ZNF33A: variants seen among roughly 807,000 people sequenced by gnomAD.
ZNF33A encodes brain my041 protein.
In ZNF33A, 9 loss-of-function variants were observed where a neutral mutation model predicts 15.9. The ratio of observed to expected loss-of-function variants is 0.57; its 90% CI spans 0.34 to 0.99. The LOEUF (loss-of-function observed/expected upper bound fraction) is 0.99. Among genes scored for constraint, ZNF33A ranks in the 50% least tolerant of loss-of-function variants. ZNF33A has a pLI of 0.02. For missense variants in ZNF33A, 843 were observed against 941.6 expected, an observed-to-expected ratio of 0.90 and a Z score of 1.37; for synonymous variants, 294 against 324.2, an observed-to-expected ratio of 0.91 and a Z score of 1.00.
At chr10:38,022,777 T>A (rs1190103125) in intron 4 of ZNF33A, among the ~76,000 whole-genome samples, 1 of 151,964 alleles carries the variant, frequency 6.6e-6, no homozygotes, top group East Asian at 1.9e-4. Flanking sequence ...TAGGTTTTCA[T>A]AAAGGTTGAC....
intron 4 of ZNF33A, among the ~76,000 whole-genome samples, chr10:38,041,042 ATTT>A (rs2065674706): frequency 6.6e-6 from 1 of 152,120 alleles, no homozygotes; most frequent in African/African-American, 2.4e-5. Flanking sequence ...TACCTCTGCC[ATTT>A]TTGTTTTCGG....
At chr10:38,021,726 A>G (rs987207784) in intron 4 of ZNF33A, among the ~76,000 whole-genome samples, 3 of 152,254 alleles carry the variant, frequency 2.0e-5, no homozygotes, top group Non-Finnish European at 4.4e-5. Context: ...AAGATAGACC[A>G]TATTCTGGGC....
intron 4 of ZNF33A, among the ~76,000 whole-genome samples, chr10:38,037,160 C>A (rs934208582): frequency 1.3e-5 from 2 of 152,108 alleles, no homozygotes; most frequent in Non-Finnish European, 2.9e-5. Flanking sequence ...ATCCCCAGGG[C>A]ATGAAGATCC....
At chr10:38,044,498 C>T (rs1367882918) in intron 4 of ZNF33A, among the ~76,000 whole-genome samples, 2 of 152,012 alleles carry the variant, frequency 1.3e-5, no homozygotes, top group African/African-American at 2.4e-5. Context: ...GCATGAGCCA[C>T]CCTGCCTGGC....
At position 38,057,162 on chromosome 10, in the gene ZNF33A, T is replaced by A. The variant is rs2066520402; in HGVS notation, c.*602T>A. On this transcript the variant is annotated 3_prime_UTR_variant, in exon 5 of 5. Coordinates refer to ENST00000432900, the MANE Select transcript of ZNF33A (RefSeq NM_006954.2). The stretch of plus-strand genomic sequence containing the variant: ...TGTGTGTGTGGTTATATCAAACTTT[T>A]ACGACTTTTACATTTGAGTAACCAT... 1.5e-5 allele frequency: 14 copies of A among 958,974 alleles called. No homozygotes were observed. Among genetic ancestry groups the A allele is most frequent in the Non-Finnish European group, 1.7e-5 (14 of 805,510 alleles). 59.4% of individuals were successfully genotyped at this position (958,974 alleles called of 1,614,324 possible).
At chr10:38,026,383 G>A (rs1200336573) in intron 4 of ZNF33A, among the ~76,000 whole-genome samples, 1 of 152,206 alleles carries the variant, frequency 6.6e-6, no homozygotes, top group Non-Finnish European at 1.5e-5. Flanking sequence ...CGCCCAGACT[G>A]GAGTGCAGTG....
downstream of ZNF33A, among the ~76,000 whole-genome samples, chr10:38,063,170 T>C (rs965768025): frequency 1.3e-5 from 2 of 152,094 alleles, no homozygotes; most frequent in African/African-American, 4.8e-5. Context: ...AGATACAAGC[T>C]ATGAACTAGA....
At position 38,057,892 on chromosome 10, in the gene ZNF33A, A is replaced by T; in HGVS notation, c.*1332A>T. 1 of 985,458 alleles carries T rather than the reference A, an allele frequency of 1.0e-6. No individual in the cohort carries two copies. Among genetic ancestry groups the T allele is most frequent in the Non-Finnish European group, 1.2e-6 (1 of 829,944 alleles). 61.0% of individuals were successfully genotyped at this position (985,458 alleles called of 1,614,324 possible). On this transcript the variant is annotated 3_prime_UTR_variant, in exon 5 of 5. Transcript: ENST00000432900. Reference sequence around the variant, plus strand: ...TGTCATTTCAAGGCTCATTGTCCCCAGACAGGGATCTGGGCCCTCAGACTT... The same window carrying T: ...TGTCATTTCAAGGCTCATTGTCCCCTGACAGGGATCTGGGCCCTCAGACTT...
chr10:38,061,348 A>G (rs555524282), downstream of ZNF33A, among the ~76,000 whole-genome samples: 320 of 152,284 alleles, frequency 2.1e-3, 1 homozygote, highest in Non-Finnish European at 2.9e-3. Flanking sequence ...CAAGATGCAC[A>G]TGCATGGTGG....
In ZNF33A at chr10:38,055,582, G is replaced by A. The variant is rs138263927; in HGVS notation, c.1458G>A (p.Gln486=). The A allele has an allele frequency of 8.4e-5, 136 of 1,614,038 alleles. No individual in the cohort carries two copies. Among genetic ancestry groups the A allele is most frequent in the Non-Finnish European group, 1.1e-4 (130 of 1,179,982 alleles). The part of the protein sequence containing the change: ...KSFSEKSNLT[Q]HQRIHIGDKS... ...TTAGTGAAAAGTCAAATCTTACACA[G>A]CATCAGAGAATTCACATAGGAGATA... The change falls in exon 5 of 5, where the codon CAG becomes CAA. Residue 486 remains glutamine, a synonymous_variant. Transcript: ENST00000432900.
intron 4 of ZNF33A, among the ~76,000 whole-genome samples, chr10:38,029,893 G>A (rs2065139108): frequency 1.3e-5 from 2 of 152,118 alleles, no homozygotes; most frequent in African/African-American, 4.8e-5. Flanking sequence ...ACAAATGGGA[G>A]TATCAATGTG....
At chr10:38,043,463 G>A (rs528113439) in intron 4 of ZNF33A, among the ~76,000 whole-genome samples, 58 of 151,354 alleles carry the variant, frequency 3.8e-4, no homozygotes, top group African/African-American at 1.3e-3. Context: ...AAACCTGCAC[G>A]TTGTGCACAT....
At chr10:38,018,257 A>G (rs529323897) in intron 4 of ZNF33A, among the ~76,000 whole-genome samples, 1 of 152,306 alleles carries the variant, frequency 6.6e-6, no homozygotes, top group East Asian at 1.9e-4. Flanking sequence ...AGTCAGGGGA[A>G]ACCTTAATGA....
At chr10:38,037,711 C>A (rs1028050279) in intron 4 of ZNF33A, among the ~76,000 whole-genome samples, 1 of 152,184 alleles carries the variant, frequency 6.6e-6, no homozygotes, top group African/African-American at 2.4e-5. Context: ...TATTTGTGAA[C>A]TCTCAATTTT....
At chr10:38,020,813 C>G (rs1439864036) in intron 4 of ZNF33A, among the ~76,000 whole-genome samples, 1 of 152,188 alleles carries the variant, frequency 6.6e-6, no homozygotes, top group Non-Finnish European at 1.5e-5. Flanking sequence ...AGAGATATCT[C>G]ATTGATGTAC....
At chr10:38,033,365 G>T (rs987518411) in intron 4 of ZNF33A, among the ~76,000 whole-genome samples, 1 of 152,170 alleles carries the variant, frequency 6.6e-6, no homozygotes, top group Non-Finnish European at 1.5e-5. Flanking sequence ...GTGGATGGAC[G>T]TTTGGTTTTA....
chr10:38,033,392 A>G (rs962079402), intron 4 of ZNF33A, among the ~76,000 whole-genome samples: 4 of 152,182 alleles, frequency 2.6e-5, no homozygotes, highest in African/African-American at 7.2e-5. Flanking sequence ...CTTCTTGACT[A>G]TTATGAATAA....
chr10:38,054,123 C>A (rs1177779553), intron 4 of ZNF33A, among the ~76,000 whole-genome samples: 1 of 152,140 alleles, frequency 6.6e-6, no homozygotes. Context: ...CACTAGAAAC[C>A]AAATGTGTGC....
Position 38,017,370 on chromosome 10 carries a change from A to G in ZNF33A, c.234A>G (p.Pro78=), listed in dbSNP as rs1412478687. 6.2e-7 allele frequency: 1 copy of G among 1,613,848 alleles called. No homozygotes were observed. The highest frequency in any genetic ancestry group is 2.2e-5 in the East Asian group (1 of 44,870). ...CATGGAAACAGGAGGAAGAATTCCC[A>G]AGCCAAAGCTTTCCAGGTGAGTTAA... is the stretch of plus-strand genomic sequence containing the variant. ...EEPWKQEEEF[P]SQSFPEVWTA... The change falls in exon 4 of 5, where the codon CCA becomes CCG. Residue 78 remains proline, a synonymous_variant. Coordinates refer to ENST00000432900, the MANE Select transcript of ZNF33A (RefSeq NM_006954.2).
Sources: allele counts gnomAD v4.1 joint callset (sites outside exome capture counted in the v4.1 genomes callset), GRCh38; gene constraint gnomAD v4.1.1; transcripts MANE v1.5; gene names NCBI Gene and HGNC (gene_info 2026-07-23, HGNC 2026-07-21).